Variants in ZBTB47 observed in about 807,000 individuals in gnomAD.
ZBTB47 encodes zinc finger and BTB domain-containing protein 47.
A neutral mutation model predicts 56.6 loss-of-function variants in ZBTB47; 24 were observed. The observed-to-expected ratio is 0.42, with a 90% confidence interval of 0.31 to 0.60. The LOEUF (loss-of-function observed/expected upper bound fraction) is 0.60, where lower values mean the gene tolerates loss of function less well. ZBTB47 is among the 20% of genes least tolerant of loss of function. The pLI is 0.14. For missense variants in ZBTB47, 829 were observed against 1,032.6 expected (o/e 0.80, Z 2.70); for synonymous variants, 414 against 418.9 (o/e 0.99, Z 0.14).
chr3:42,661,688 G>A (rs774519205), intron 3 of ZBTB47, 56 bp downstream of exon 3: 15 of 1,596,120 alleles, frequency 9.4e-6, no homozygotes, highest in Non-Finnish European at 1.2e-5. Flanking sequence ...CCAGCTTCTG[G>A]CTGGTGGATG....
chr3:42,658,611 G>A lies in ZBTB47; in HGVS notation c.256G>A (p.Val86Ile), dbSNP rs377358572. Residue 86 changes from valine to isoleucine, a missense_variant, in exon 2 of 6, where the codon GTC (valine) becomes ATC (isoleucine). This residue lies in a region of ZBTB47 where 120 missense variants were observed against 200.2 expected (regional missense o/e 0.60). Transcript: ENST00000232974. ...TSKLLVNAAN[V>I]HEVLSAASLL... is the part of the protein sequence containing the mutation. ...CAAGCTGCTGGTCAACGCGGCCAAC[G>A]TCCACGAGGTGCTCAGCGCCGCCTC... is the stretch of plus-strand genomic sequence containing the variant. 88 of 1,536,902 alleles carry A rather than the reference G, an allele frequency of 5.7e-5. No homozygotes were observed. The highest frequency in any genetic ancestry group is 7.1e-5 in the Non-Finnish European group (82 of 1,146,946).
rs906302166 is a variant in ZBTB47, at chr3:42,656,825, G to A, written c.-81-1450G>A. Reference sequence around the variant, plus strand: ...CCAGCCTACCCACTGCTCTCCTGGCGATGGAAGGCCTGGCATGGGGAAGGG... The same window carrying A: ...CCAGCCTACCCACTGCTCTCCTGGCAATGGAAGGCCTGGCATGGGGAAGGG... On this transcript the variant is annotated intron_variant, in intron 1 of 5. Coordinates refer to ENST00000232974, the MANE Select transcript of ZBTB47 (RefSeq NM_145166.4). This position sits in a 1 kb window ranked among gnomAD's most constrained non-coding sequence, Gnocchi z 5.8. Among the ~76,000 whole-genome samples the A allele has an allele frequency of 1.2e-4, 19 of 152,312 alleles. No individual in the cohort carries two copies. Among genetic ancestry groups the A allele is most frequent in the African/African-American group, 4.6e-4 (19 of 41,568 alleles).
rs1337481197 is a variant in ZBTB47 at position 42,664,818 on chromosome 3, T to A, written c.*220T>A. On this transcript the variant is annotated 3_prime_UTR_variant, in exon 6 of 6. Coordinates refer to ENST00000232974, the MANE Select transcript of ZBTB47 (RefSeq NM_145166.4). ...GCATCTCACTCCCAAGTGCCCCCCC[T>A]TTCTGTGACTCCTTGAAGCCTTTAC... 3 of 424,638 alleles carry A rather than the reference T, an allele frequency of 7.1e-6. No homozygotes were observed. Among genetic ancestry groups the A allele is most frequent in the Non-Finnish European group, 1.2e-5 (3 of 251,934 alleles). 26.3% of individuals were successfully genotyped at this position (424,638 alleles called of 1,614,324 possible).
rs1710608198 is a variant in ZBTB47 at position 42,654,292 on chromosome 3, CGGGCTGGGGGCTGGAGCTG to C, written c.-82+420_-82+438del. On this transcript the variant is annotated intron_variant, in intron 1 of 5. Coordinates refer to ENST00000232974, the MANE Select transcript of ZBTB47 (RefSeq NM_145166.4). The surrounding 1 kb of genome is among the most constrained non-coding windows in gnomAD (Gnocchi z 5.0). Reference sequence around the variant, plus strand: ...TCTGCTCGGATATGAGCAGTGGGGACGGGCTGGGGGCTGGAGCTGGGGCTGGGGGTGGAGGGCAGCCTGC... The same window carrying C: ...TCTGCTCGGATATGAGCAGTGGGGACGGGCTGGGGGTGGAGGGCAGCCTGC... 1 of 87,168 alleles carries C rather than the reference CGGGCTGGGGGCTGGAGCTG, an allele frequency of 1.1e-5. No homozygotes were observed. Among genetic ancestry groups the C allele is most frequent in the African/African-American group, 4.4e-5 (1 of 22,972 alleles). The allele number at this position is 87,168 out of a possible 1,614,324, so 5.4% of individuals were successfully genotyped here.
intron 5 of ZBTB47, 62 bp from the exon 6 acceptor site, chr3:42,664,174 TG>T: frequency 1.9e-6 from 3 of 1,588,960 alleles, no homozygotes; most frequent in Non-Finnish European, 2.6e-6. Context: ...AGACGGAGGC[TG>T]GCCCCAGACT....
At chr3:42,657,866 T>A (rs997303010) in intron 1 of ZBTB47, among the ~76,000 whole-genome samples, 1 of 152,154 alleles carries the variant, frequency 6.6e-6, no homozygotes, top group Non-Finnish European at 1.5e-5. Flanking sequence ...CTGGTCCCGG[T>A]GTGCCTGCGA....
intron 2 of ZBTB47, among the ~76,000 whole-genome samples, 177 bp from the exon 3 acceptor site, chr3:42,661,308 G>A (rs573819608): frequency 2.6e-5 from 4 of 152,286 alleles, no homozygotes; most frequent in African/African-American, 9.6e-5. Flanking sequence ...GTTTGGGGGT[G>A]TTTAAGGAGT....
rs533122524 is a variant in ZBTB47 at position 42,664,910 on chromosome 3, G to A, written c.*312G>A. On this transcript the variant is annotated 3_prime_UTR_variant, in exon 6 of 6. Transcript: ENST00000232974. ...CAGCACTCCCCTCCAGGTGAGGGGG[G>A]TGCTGGGGGTCTGCAGCAGAAAGAA... is the stretch of plus-strand genomic sequence containing the variant. The A allele has an allele frequency of 8.8e-6, 2 of 227,650 alleles. No homozygotes were observed. Among genetic ancestry groups the A allele is most frequent in the Non-Finnish European group, 1.7e-5 (2 of 118,048 alleles). The allele number at this position is 227,650 out of a possible 1,614,324, so 14.1% of individuals were successfully genotyped here.
Position 42,667,397 on chromosome 3 carries a change from A to G in ZBTB47, c.*2799A>G, listed in dbSNP as rs540991813. 2.0e-4 allele frequency among the ~76,000 whole-genome samples: 31 copies of G among 152,342 alleles called. No homozygotes were observed. The highest frequency in any genetic ancestry group is 7.5e-4 in the African/African-American group (31 of 41,592). On this transcript the variant is annotated 3_prime_UTR_variant, in exon 6 of 6. Coordinates refer to ENST00000232974, the MANE Select transcript of ZBTB47 (RefSeq NM_145166.4). Reference sequence around the variant, plus strand: ...TTCTGGGAGCCTTCAACCCTGGCTCATGCTGCCATAGTCTCCACGGTGCCC... The same window carrying G: ...TTCTGGGAGCCTTCAACCCTGGCTCGTGCTGCCATAGTCTCCACGGTGCCC...
rs538471689 is a variant in ZBTB47 at position 42,654,950 on chromosome 3, G to C, written c.-82+1067G>C. ...GAGGTCTTGCTAGGCACCGGCGAAG[G>C]GGGGCGCTCCCCTGCGCCCGGACGG... On this transcript the variant is annotated intron_variant, in intron 1 of 5. Coordinates refer to ENST00000232974, the MANE Select transcript of ZBTB47 (RefSeq NM_145166.4). This position sits in a 1 kb window ranked among gnomAD's most constrained non-coding sequence, Gnocchi z 5.0. Among the ~76,000 whole-genome samples, 6 of 152,108 alleles carry C rather than the reference G, an allele frequency of 3.9e-5. No individual in the cohort carries two copies. The highest frequency in any genetic ancestry group is 7.4e-5 in the Non-Finnish European group (5 of 67,992).
At chr3:42,661,803 T>C (rs1168959685) in intron 3 of ZBTB47, among the ~76,000 whole-genome samples, 171 bp downstream of exon 3, 1 of 152,198 alleles carries the variant, frequency 6.6e-6, no homozygotes, top group East Asian at 1.9e-4. Flanking sequence ...CTGGACAGGC[T>C]CTGGGGCCAG....
In ZBTB47 at chr3:42,662,830, G is replaced by A. The variant is rs141555917; in HGVS notation, c.1622-182G>A. ...AGGCAGACCTTCAGAGCAGATAGGA[G>A]ACCCAGCCATGGAGGCAGGGGGCCT... is the stretch of plus-strand genomic sequence containing the variant. On this transcript the variant is annotated intron_variant, in intron 3 of 5. Coordinates refer to ENST00000232974, the MANE Select transcript of ZBTB47 (RefSeq NM_145166.4). Among the ~76,000 whole-genome samples the A allele has an allele frequency of 7.2e-5, 11 of 152,328 alleles. No individual in the cohort carries two copies. The East Asian group carries it at 1.9e-3, about 27-fold the overall frequency.
rs1444922428 is a variant in ZBTB47, at chr3:42,664,739, G to C, written c.*141G>C. On this transcript the variant is annotated 3_prime_UTR_variant, in exon 6 of 6. Transcript: ENST00000232974. ...AGAAGTGGCTGGATGTACCCTGCCTGAGGCCCCGACGAGGAGGGGTATGCA... is the reference window on the plus strand; with the variant it reads ...AGAAGTGGCTGGATGTACCCTGCCTCAGGCCCCGACGAGGAGGGGTATGCA... 9.5e-7 allele frequency: 1 copy of C among 1,047,856 alleles called. No individual in the cohort carries two copies. The highest frequency in any genetic ancestry group is 1.2e-6 in the Non-Finnish European group (1 of 804,560). 64.9% of individuals were successfully genotyped at this position (1,047,856 alleles called of 1,614,324 possible). A position where few individuals can be genotyped will look rare whatever the true frequency, so the allele number is the denominator to read the frequency against.
rs1476339854 is a variant in ZBTB47 at position 42,658,306 on chromosome 3, C to T, written c.-50C>T. On this transcript the variant is annotated 5_prime_UTR_variant, in exon 2 of 6. Transcript: ENST00000232974. ...GTTGAGAAGACAACTGACTCCCCGGCGGCTGAGTTCTCGCTGGTGGAGGAC... is the reference window on the plus strand; with the variant it reads ...GTTGAGAAGACAACTGACTCCCCGGTGGCTGAGTTCTCGCTGGTGGAGGAC... 13 of 1,487,404 alleles carry T rather than the reference C, an allele frequency of 8.7e-6. No individual in the cohort carries two copies. The highest frequency in any genetic ancestry group is 1.3e-5 in the South Asian group (1 of 75,458). 92.1% of individuals were successfully genotyped at this position (1,487,404 alleles called of 1,614,324 possible). A position where few individuals can be genotyped will look rare whatever the true frequency, so the allele number is the denominator to read the frequency against.
In ZBTB47 at chr3:42,654,899, T is replaced by G. The variant is rs1710619629; in HGVS notation, c.-82+1016T>G. 1.3e-5 allele frequency among the ~76,000 whole-genome samples: 2 copies of G among 148,912 alleles called. No homozygotes were observed. The highest frequency in any genetic ancestry group is 2.5e-5 in the African/African-American group (1 of 40,632). Reference sequence around the variant, plus strand: ...CGGTGGGGAGGGGGTTAAATTCCTGTGGTGGGGGCGCCGGCGCGCGAGGCT... The same window carrying G: ...CGGTGGGGAGGGGGTTAAATTCCTGGGGTGGGGGCGCCGGCGCGCGAGGCT... On this transcript the variant is annotated intron_variant, in intron 1 of 5. Coordinates refer to ENST00000232974, the MANE Select transcript of ZBTB47 (RefSeq NM_145166.4). The surrounding 1 kb of genome is among the most constrained non-coding windows in gnomAD (Gnocchi z 5.0).
rs745360007 is a variant in ZBTB47 at position 42,661,603 on chromosome 3, C to T, written c.1592C>T (p.Thr531Ile). 2 of 1,614,058 alleles carry T rather than the reference C, an allele frequency of 1.2e-6. No individual in the cohort carries two copies. Among genetic ancestry groups the T allele is most frequent in the Non-Finnish European group, 1.7e-6 (2 of 1,179,894 alleles). Residue 531 changes from threonine to isoleucine, a missense_variant, in exon 3 of 6, where the codon ACC (threonine) becomes ATC (isoleucine). Physicochemically the swap from Thr to Ile is moderately conservative, Grantham distance 89. Coordinates refer to ENST00000232974, the MANE Select transcript of ZBTB47 (RefSeq NM_145166.4). Reference protein sequence around the residue: ...SCEICEKKFYTMAHVRKHMVA... With the variant: ...SCEICEKKFYIMAHVRKHMVA... Reference sequence around the variant, plus strand: ...GAGATCTGTGAGAAGAAGTTCTACACCATGGCCCACGTGCGTAAGCACATG... The same window carrying T: ...GAGATCTGTGAGAAGAAGTTCTACATCATGGCCCACGTGCGTAAGCACATG...
Position 42,661,484 on chromosome 3 carries a change from G to A in ZBTB47, c.1474-1G>A. The A allele has an allele frequency of 6.2e-7, 1 of 1,613,822 alleles. No individual in the cohort carries two copies. The highest frequency in any genetic ancestry group is 8.5e-7 in the Non-Finnish European group (1 of 1,179,830). The stretch of plus-strand genomic sequence containing the variant: ...GGGCCTCAAGTCCTCTTATTCTGCA[G>A]TGTGTGACATGTGGCAAAGCTTTCA... On this transcript the variant is annotated splice_acceptor_variant, in intron 2 of 5. Transcript: ENST00000232974. LOFTEE classifies it high-confidence loss of function.
intron 1 of ZBTB47, among the ~76,000 whole-genome samples, chr3:42,657,734 C>A (rs576493906): frequency 1.3e-5 from 2 of 152,288 alleles, no homozygotes; most frequent in African/African-American, 4.8e-5. Flanking sequence ...GGCTTCTGTT[C>A]TTGAGGTGTT....
At chr3:42,661,876 T>A (rs1276963325) in intron 3 of ZBTB47, among the ~76,000 whole-genome samples, 1 of 152,180 alleles carries the variant, frequency 6.6e-6, no homozygotes, top group Non-Finnish European at 1.5e-5. Context: ...AGATGGCAGG[T>A]GGGAACCGGA....
Sources: allele counts gnomAD v4.1 joint callset (sites outside exome capture counted in the v4.1 genomes callset), GRCh38; gene constraint gnomAD v4.1.1; regional missense constraint gnomAD v4.1.1; non-coding constraint Gnocchi (gnomAD v3.1); transcripts MANE v1.5; gene names NCBI Gene and HGNC (gene_info 2026-07-23, HGNC 2026-07-21).